The following LYZL6 variants were observed in gnomAD, a reference collection of about 807,000 sequenced individuals.
LYZL6 encodes the protein lysozyme-like protein 6.
A neutral mutation model predicts 15.0 loss-of-function variants in LYZL6; 21 were observed. The ratio of observed to expected loss-of-function variants is 1.40; its 90% CI spans 1.00 to 2.02. The LOEUF is 2.02. Among genes scored for constraint, LYZL6 ranks in the 30% most tolerant of loss-of-function variants. The pLI is 0.00. For missense variants in LYZL6, 173 were observed against 180.5 expected, an observed-to-expected ratio of 0.96 and a Z score of 0.24; for synonymous variants, 72 against 67.8, an observed-to-expected ratio of 1.06 and a Z score of -0.31.
rs775294799 is a variant in LYZL6 at position 35,937,923 on chromosome 17, G to C, written c.140-7C>G. 1.9e-6 allele frequency: 3 copies of C among 1,612,576 alleles called. No homozygotes were observed. In the Admixed American group the frequency reaches 5.0e-5, roughly 27 times the overall value. ...ACAAAAGCCAGGCACAGCCCTTAGA[G>C]TAGGGAGAAGAAGGTCAGGATTTAG... On this transcript the variant is annotated splice_region_variant and splice_polypyrimidine_tract_variant and intron_variant, in intron 2 of 4. Transcript: ENST00000615905.
intron 1 of LYZL6, among the ~76,000 whole-genome samples, chr17:35,940,193 C>T (rs2089414762): frequency 6.6e-6 from 1 of 152,048 alleles, no homozygotes; most frequent in African/African-American, 2.4e-5. Context: ...GGGCAACATA[C>T]TCAACCTTTC....
rs117051514 is a variant in LYZL6, at chr17:35,936,341, C to T, written c.377+414G>A. Reference sequence around the variant, plus strand: ...TTTAGCTTATTAACTTTGCAGCACCCTTTGTCCTTTAGACTGTGGAGCAGA... The same window carrying T: ...TTTAGCTTATTAACTTTGCAGCACCTTTTGTCCTTTAGACTGTGGAGCAGA... On this transcript the variant is annotated intron_variant, in intron 4 of 4. Transcript: ENST00000615905. Among the ~76,000 whole-genome samples the T allele has an allele frequency of 6.1e-3, 933 of 152,334 alleles. 3 individuals are homozygous for T. Among genetic ancestry groups the T allele is most frequent in the Non-Finnish European group, 0.01 (702 of 68,034 alleles).
chr17:35,936,690 C>G (rs534075526), intron 4 of LYZL6, 65 bp downstream of exon 4: 1 of 1,416,506 alleles, frequency 7.1e-7, no homozygotes, highest in East Asian at 2.3e-5. Context: ...TGCCTACTGC[C>G]CTTTTCTCTG....
rs368091326 is a variant in LYZL6, at chr17:35,939,228, G to A, written c.129C>T (p.Ser43=). The A allele has an allele frequency of 1.2e-6, 2 of 1,613,798 alleles. No individual in the cohort carries two copies. The highest frequency in any genetic ancestry group is 2.7e-5 in the African/African-American group (2 of 75,018). Residue 43 remains serine (S), a synonymous_variant, in exon 2 of 5, where the codon TCC becomes TCT. Coordinates refer to ENST00000615905, the MANE Select transcript of LYZL6 (RefSeq NM_020426.4). ...GCGGATGGTACTCACAGTCACTCAG[G>A]GAGTAACCCTCAAACCCATCCAAGT... is the stretch of plus-strand genomic sequence containing the variant. ...LEDLDGFEGY[S]LSDWLCLAFV...
chr17:35,935,869 A>G (rs373188923), intron 4 of LYZL6, among the ~76,000 whole-genome samples: 1 of 149,534 alleles, frequency 6.7e-6, no homozygotes, highest in African/African-American at 2.5e-5. Flanking sequence ...GCTGGAGTGC[A>G]GTGGCGCGAT....
rs752123743 is a variant in LYZL6, at chr17:35,937,767, C to T, written c.289G>A (p.Asp97Asn). The change falls in exon 3 of 5, where the codon GAC becomes AAC. Residue 97 changes from aspartate to asparagine, a missense_variant. Asp to Asn is a conservative substitution (Grantham distance 23). Transcript: ENST00000615905. ...GGGGCCCTGGCCAGACCTTGACAGTCTACGTGGCAAAGGTTTTCCGAGTAA... is the reference window on the plus strand; with the variant it reads ...GGGGCCCTGGCCAGACCTTGACAGTTTACGTGGCAAAGGTTTTCCGAGTAA... ...KSYSENLCHV[D>N]CQDLLNPNLL... The T allele has an allele frequency of 6.2e-7, 1 of 1,614,074 alleles. No individual in the cohort carries two copies. Among genetic ancestry groups the T allele is most frequent in the East Asian group, 2.2e-5 (1 of 44,892 alleles).
chr17:35,935,593 G>A (rs949386352), intron 4 of LYZL6, among the ~76,000 whole-genome samples: 45 of 151,896 alleles, frequency 3.0e-4, no homozygotes, highest in African/African-American at 1.1e-3. Flanking sequence ...GGTCCCCAGA[G>A]AGATCCCGGC....
intron 3 of LYZL6, 98 bp downstream of exon 3, chr17:35,937,660 T>C (rs1011701454): frequency 1.5e-6 from 2 of 1,369,412 alleles, no homozygotes; most frequent in Non-Finnish European, 2.0e-6. Context: ...TGAACCATAT[T>C]TCTGGGGCCA....
intron 1 of LYZL6, among the ~76,000 whole-genome samples, chr17:35,940,639 A>C (rs1007090959): frequency 6.6e-6 from 1 of 152,194 alleles, no homozygotes; most frequent in South Asian, 2.1e-4. Context: ...AATCCAAAAC[A>C]AAACCCTGCA....
chr17:35,942,157 C>T (rs1279345217), intron 1 of LYZL6, among the ~76,000 whole-genome samples: 3 of 152,272 alleles, frequency 2.0e-5, no homozygotes, highest in Admixed American at 2.0e-4. Flanking sequence ...TCAAAATGGC[C>T]AATGCCATGA....
chr17:35,938,275 A>G (rs1324968107), intron 2 of LYZL6, among the ~76,000 whole-genome samples: 2 of 152,196 alleles, frequency 1.3e-5, no homozygotes, highest in Non-Finnish European at 2.9e-5. Context: ...AGCTTGTAAT[A>G]CAGGCCTTGT....
chr17:35,943,317 T>C (rs923733344), intron 1 of LYZL6, among the ~76,000 whole-genome samples: 4 of 152,166 alleles, frequency 2.6e-5, no homozygotes, highest in Non-Finnish European at 5.9e-5. Context: ...GGCCATTCTT[T>C]TGCTTCTCCC....
At chr17:35,938,496 T>C (rs2089397134) in intron 2 of LYZL6, among the ~76,000 whole-genome samples, 1 of 151,584 alleles carries the variant, frequency 6.6e-6, no homozygotes, top group African/African-American at 2.4e-5. Context: ...TGGGTGCCTG[T>C]AGTTCCAGCT....
chr17:35,938,158 C>T (rs1022556973), intron 2 of LYZL6, among the ~76,000 whole-genome samples: 5 of 152,202 alleles, frequency 3.3e-5, no homozygotes, highest in African/African-American at 1.2e-4. Context: ...TGAGCACCTA[C>T]TGTGTGCCAG....
Position 35,934,524 on chromosome 17 carries a change from G to C in LYZL6, c.*272C>G. The C allele has an allele frequency of 2.2e-6, 1 of 454,912 alleles. No homozygotes were observed. The highest frequency in any genetic ancestry group is 2.0e-5 in the African/African-American group (1 of 51,266). The allele number at this position is 454,912 out of a possible 1,614,324, so 28.2% of individuals were successfully genotyped here. A position where few individuals can be genotyped will look rare whatever the true frequency, so the allele number is the denominator to read the frequency against. ...TGAATAAATGGACACAGTCTTTGCA[G>C]AGCGAGTGCTTTAATATTTCGATAA... On this transcript the variant is annotated 3_prime_UTR_variant, in exon 5 of 5. Coordinates refer to ENST00000615905, the MANE Select transcript of LYZL6 (RefSeq NM_020426.4).
Position 35,937,860 on chromosome 17 carries a change from C to G in LYZL6, c.196G>C (p.Ala66Pro). The G allele has an allele frequency of 6.2e-7, 1 of 1,614,078 alleles. No individual in the cohort carries two copies. Among genetic ancestry groups the G allele is most frequent in the Non-Finnish European group, 8.5e-7 (1 of 1,180,006 alleles). ...KFNISKINEN[A>P]DGSFDYGLFQ... ...AGGCCATAGTCAAAGCTTCCGTCTG[C>G]ATTTTCATTTATCTTTGATATGTTG... The change falls in exon 3 of 5, where the codon GCA (alanine) becomes CCA (proline). Residue 66 changes from alanine (A) to proline (P), a missense_variant. Physicochemically the swap from Ala to Pro is conservative, Grantham distance 27. Coordinates refer to ENST00000615905, the MANE Select transcript of LYZL6 (RefSeq NM_020426.4).
At chr17:35,939,753 C>T (rs1435218133) in intron 1 of LYZL6, among the ~76,000 whole-genome samples, 195 bp from the exon 2 acceptor site, 1 of 152,124 alleles carries the variant, frequency 6.6e-6, no homozygotes, top group East Asian at 1.9e-4. Flanking sequence ...CCATCTCAGC[C>T]TCCCAAAGTG....
At position 35,937,761 on chromosome 17, in the gene LYZL6, G is replaced by A; in HGVS notation, c.295C>T (p.Gln99Ter). 1 of 1,614,022 alleles carries A rather than the reference G, an allele frequency of 6.2e-7. No homozygotes were observed. Reference protein sequence around the residue: ...YSENLCHVDCQDLLNPNLLAG... With the variant: ...YSENLCHVDC ...CACCCTGGGGCCCTGGCCAGACCTT[G>A]ACAGTCTACGTGGCAAAGGTTTTCC... Residue 99 changes from glutamine (Q) to a stop codon, truncating the protein, a stop_gained, in exon 3 of 5, where the codon CAA (glutamine) becomes TAA (stop). Transcript: ENST00000615905. LOFTEE classifies it high-confidence loss of function.
chr17:35,936,334 C>A (rs1192046089), intron 4 of LYZL6, among the ~76,000 whole-genome samples: 1 of 152,314 alleles, frequency 6.6e-6, no homozygotes, highest in Non-Finnish European at 1.5e-5. Context: ...ATTAACTTTG[C>A]AGCACCCTTT....
Sources: gnomAD v4.1 joint callset for allele counts (sites outside exome capture counted in the v4.1 genomes callset) on GRCh38, gnomAD v4.1.1 for gene constraint, MANE v1.5 for transcripts, NCBI Gene and HGNC (gene_info 2026-07-23, HGNC 2026-07-21) for gene names.